Variants in MBTD1 observed in about 807,000 individuals in gnomAD.
MBTD1 encodes the protein MBT domain-containing protein 1.
A neutral mutation model predicts 87.8 loss-of-function variants in MBTD1; 24 were observed. The observed-to-expected ratio is 0.27, with a 90% CI of 0.20 to 0.38. MBTD1 has a LOEUF of 0.38. Ranked by LOEUF, MBTD1 falls within the 10% of genes least tolerant of loss-of-function variation. MBTD1 has a pLI of 1.00. For synonymous variants in MBTD1, 237 were observed against 248.6 expected (o/e 0.95, Z 0.44); for missense variants, 436 against 760.2 (o/e 0.57, Z 5.02).
At chr17:51,221,065 G>A (rs116486430) in intron 3 of MBTD1, among the ~76,000 whole-genome samples, 2,845 of 152,322 alleles carry the variant, frequency 0.019, 64 homozygotes, top group African/African-American at 0.046. Flanking sequence ...GGCCGAGGCA[G>A]GAGAACTGGC....
intron 4 of MBTD1, among the ~76,000 whole-genome samples, chr17:51,219,867 G>A (rs1055040606): frequency 2.0e-5 from 3 of 152,308 alleles, no homozygotes; most frequent in African/African-American, 7.2e-5. Context: ...TGTCAAAAAG[G>A]TTAGTTGGAT....
rs2050218415 is a variant in MBTD1, at chr17:51,179,505, T to TTC, written c.*1070_*1071insGA. 1.2e-5 allele frequency: 1 copy of TTC among 82,942 alleles called. No homozygotes were observed. The highest frequency in any genetic ancestry group is 4.7e-5 in the African/African-American group (1 of 21,496). The allele number at this position is 82,942 out of a possible 1,614,324, so 5.1% of individuals were successfully genotyped here. On this transcript the variant is annotated 3_prime_UTR_variant, in exon 17 of 17. Coordinates refer to ENST00000586178, the MANE Select transcript of MBTD1 (RefSeq NM_017643.3). ...AATTTTATATATATATATATATATA[T>TTC]ATATATATATATATATATATATATA...
chr17:51,236,564 T>C (rs2053850649), intron 2 of MBTD1, among the ~76,000 whole-genome samples: 1 of 152,134 alleles, frequency 6.6e-6, no homozygotes, highest in Non-Finnish European at 1.5e-5. Flanking sequence ...TATGCCACTT[T>C]GTGCATTGCT....
chr17:51,241,870 T>C (rs367952820), intron 2 of MBTD1, among the ~76,000 whole-genome samples: 29 of 152,190 alleles, frequency 1.9e-4, no homozygotes, highest in East Asian at 1.2e-3. Flanking sequence ...CCAGCCTACT[T>C]TTCAAGGTTT....
At chr17:51,220,255 C>G in intron 4 of MBTD1, 75 bp downstream of exon 4, 1 of 1,386,262 alleles carries the variant, frequency 7.2e-7, no homozygotes, top group Non-Finnish European at 9.8e-7. Context: ...TACAGTGAAT[C>G]ACAGTCAAAT....
At chr17:51,215,036 T>TA (rs1182518991) in intron 6 of MBTD1, among the ~76,000 whole-genome samples, 2 of 152,234 alleles carry the variant, frequency 1.3e-5, no homozygotes, top group Non-Finnish European at 2.9e-5. Context: ...ATATGCCAGT[T>TA]AAGAGAGCAA....
At chr17:51,214,017 C>T (rs1213286586) in intron 6 of MBTD1, among the ~76,000 whole-genome samples, 1 of 151,848 alleles carries the variant, frequency 6.6e-6, no homozygotes, top group Non-Finnish European at 1.5e-5. Context: ...TCATAATACA[C>T]AGATTTTTTA....
chr17:51,239,034 A>T (rs2054012133), intron 2 of MBTD1, among the ~76,000 whole-genome samples: 1 of 151,536 alleles, frequency 6.6e-6, no homozygotes, highest in Non-Finnish European at 1.5e-5. Context: ...TTGGAGGAGG[A>T]GGTTGCAGTG....
intron 2 of MBTD1, among the ~76,000 whole-genome samples, chr17:51,247,971 A>T (rs959563912): frequency 6.6e-6 from 1 of 152,212 alleles, no homozygotes; most frequent in African/African-American, 2.4e-5. Context: ...CTCCTAAGAA[A>T]TTATCCATTT....
At chr17:51,251,052 T>C (rs2054749823) in intron 2 of MBTD1, 1 of 151,070 alleles carries the variant, frequency 6.6e-6, no homozygotes, top group Admixed American at 6.6e-5. Context: ...TATTTCTTAA[T>C]TTTATTTTTC....
chr17:51,204,843 G>A (rs756672431), intron 7 of MBTD1, among the ~76,000 whole-genome samples: 15 of 152,148 alleles, frequency 9.9e-5, no homozygotes, highest in Non-Finnish European at 1.9e-4. Context: ...AGCTGCTTAG[G>A]TGGCCAATTA....
At chr17:51,260,435 C>T (rs1368184521), upstream of MBTD1, 2 of 835,258 alleles carry the variant, frequency 2.4e-6, no homozygotes, top group African/African-American at 1.8e-5. Context: ...GCGGGAGTTA[C>T]GTAGAGGGAG....
In MBTD1 at chr17:51,203,768, G is replaced by A. The variant is rs78009883; in HGVS notation, c.739+23C>T. The stretch of plus-strand genomic sequence containing the variant: ...AAAGTACACATATAAAAAAATTACG[G>A]TAAGGGTAAATAAACTACTTACTTC... On this transcript the variant is annotated intron_variant, in intron 8 of 16. Transcript: ENST00000586178. 18 of 1,595,314 alleles carry A rather than the reference G, an allele frequency of 1.1e-5. No individual in the cohort carries two copies. In the African/African-American group the frequency reaches 2.0e-4, roughly 18 times the overall value.
Position 51,259,861 on chromosome 17 carries a change from C to A in MBTD1, c.-139G>T. Reference sequence around the variant, plus strand: ...AGATCCTTTGTGTTTTCCATCAGGGCCTCATGGGTAGGGGTTGTCCGTGCT... The same window carrying A: ...AGATCCTTTGTGTTTTCCATCAGGGACTCATGGGTAGGGGTTGTCCGTGCT... On this transcript the variant is annotated 5_prime_UTR_variant, in exon 1 of 17. Transcript: ENST00000586178. The A allele has an allele frequency of 1.6e-6, 2 of 1,231,976 alleles. No individual in the cohort carries two copies. The highest frequency in any genetic ancestry group is 3.2e-5 in the East Asian group (1 of 31,648). The allele number at this position is 1,231,976 out of a possible 1,614,324, so 76.3% of individuals were successfully genotyped here. A position where few individuals can be genotyped will look rare whatever the true frequency, so the allele number is the denominator to read the frequency against.
At chr17:51,244,735 C>T (rs9709349) in intron 2 of MBTD1, among the ~76,000 whole-genome samples, 1 of 119,328 alleles carries the variant, frequency 8.4e-6, no homozygotes, top group African/African-American at 4.5e-5. Context: ...ATACTTCCAT[C>T]TTTTTTTTGA....
upstream of MBTD1, chr17:51,260,554 T>C (rs1350217467): frequency 1.3e-6 from 2 of 1,594,460 alleles, no homozygotes; most frequent in Non-Finnish European, 1.7e-6. Context: ...AGGTTCCACG[T>C]GAGCGCCTGC....
At chr17:51,211,784 A>G (rs984483499) in intron 6 of MBTD1, among the ~76,000 whole-genome samples, 7 of 149,234 alleles carry the variant, frequency 4.7e-5, no homozygotes, top group East Asian at 1.9e-4. Context: ...ACGACTAGGG[A>G]AAAAAAAAAC....
chr17:51,236,900 G>T (rs763682927), intron 2 of MBTD1, among the ~76,000 whole-genome samples: 1 of 152,084 alleles, frequency 6.6e-6, no homozygotes, highest in Admixed American at 6.6e-5. Context: ...AGGCCTAAAT[G>T]TAAGTTAACG....
At chr17:51,260,576 A>G (rs1454592387), upstream of MBTD1, 2 of 1,611,056 alleles carry the variant, frequency 1.2e-6, no homozygotes, top group Admixed American at 1.7e-5. Context: ...TTTCTCCTCA[A>G]ACCTAACGAT....
Sources: allele counts gnomAD v4.1 joint callset (sites outside exome capture counted in the v4.1 genomes callset), GRCh38; gene constraint gnomAD v4.1.1; transcripts MANE v1.5; gene names NCBI Gene and HGNC (gene_info 2026-07-23, HGNC 2026-07-21).